The following LINGO2 variants were observed in gnomAD, a reference collection of about 807,000 sequenced individuals.
LINGO2 encodes leucine-rich repeat and immunoglobulin-like domain-containing nogo receptor-interacting protein 2.
A neutral mutation model predicts 30.6 loss-of-function variants in LINGO2; 14 were observed. The ratio of observed to expected loss-of-function variants is 0.46; its 90% CI spans 0.30 to 0.72. The LOEUF (loss-of-function observed/expected upper bound fraction) is 0.72. LINGO2 is among the 30% of genes least tolerant of loss of function. The pLI, the probability that LINGO2 is intolerant of heterozygous loss-of-function variation, is 0.07. For synonymous variants in LINGO2, 317 were observed against 288.5 expected, an observed-to-expected ratio of 1.10 and a Z score of -1.00; for missense variants, 729 against 751.7, an observed-to-expected ratio of 0.97 and a Z score of 0.35.
At chr9:29,141,758 A>G in the LINGO2 span, among the ~76,000 whole-genome samples, 1 of 151,900 alleles carries the variant, frequency 6.6e-6, no homozygotes, top group Non-Finnish European at 1.5e-5. Context: ...GACCTTGCTT[A>G]TATCAGACAA....
chr9:28,360,962 T>C (rs1027087521), intron 3 of LINGO2, among the ~76,000 whole-genome samples: 2 of 152,198 alleles, frequency 1.3e-5, no homozygotes, highest in African/African-American at 4.8e-5. Flanking sequence ...TAGCTTTCCA[T>C]TGTTTCAGTT....
At chr9:28,771,532 G>A in the LINGO2 span, among the ~76,000 whole-genome samples, 5 of 148,184 alleles carry the variant, frequency 3.4e-5, no homozygotes, top group African/African-American at 1.2e-4. Flanking sequence ...ATTCAGAGAA[G>A]GTAGTATAAG....
At chr9:28,887,026 G>A in the LINGO2 span, among the ~76,000 whole-genome samples, 1 of 152,134 alleles carries the variant, frequency 6.6e-6, no homozygotes, top group African/African-American at 2.4e-5. Flanking sequence ...TTAAGGTAAT[G>A]CAGAGCAGGG....
chr9:28,396,923 T>C (rs983993039), intron 2 of LINGO2, among the ~76,000 whole-genome samples: 2 of 152,242 alleles, frequency 1.3e-5, no homozygotes, highest in South Asian at 2.1e-4. Context: ...ATTTACTCTA[T>C]GTCTGATAGA....
intron 4 of LINGO2, among the ~76,000 whole-genome samples, chr9:28,251,887 G>A (rs2134012590): frequency 6.6e-6 from 1 of 152,198 alleles, no homozygotes; most frequent in East Asian, 1.9e-4. Flanking sequence ...GCTGCAAATT[G>A]TATACCTGGA....
intron 1 of LINGO2, among the ~76,000 whole-genome samples, chr9:28,560,094 A>G (rs1432110078): frequency 6.6e-6 from 1 of 151,784 alleles, no homozygotes. Context: ...AAAAAAAAAA[A>G]AAAGAAAAAT....
At chr9:28,822,676 G>A in the LINGO2 span, among the ~76,000 whole-genome samples, 13,850 of 152,084 alleles carry the variant, frequency 0.091, 708 homozygotes, top group African/African-American at 0.12. Flanking sequence ...GCCCTCAAAC[G>A]TCAGACTCCA....
the LINGO2 span, among the ~76,000 whole-genome samples, chr9:28,796,229 A>T: frequency 6.6e-6 from 1 of 152,150 alleles, no homozygotes; most frequent in Non-Finnish European, 1.5e-5. Context: ...CAAAATATTC[A>T]TTAGGAACTA....
rs1009996884 is a variant in LINGO2, at chr9:28,095,583, A to G, written c.-86-83178T>C. Among the ~76,000 whole-genome samples the G allele has an allele frequency of 3.3e-5, 5 of 151,974 alleles. No individual in the cohort carries two copies. The South Asian group carries it at 6.2e-4, about 19-fold the overall frequency. Reference sequence around the variant, plus strand: ...TTCAAGATGGATTAAAGACTTAAACATTAGACCTAAAACCATAAAAACCCT... The same window carrying G: ...TTCAAGATGGATTAAAGACTTAAACGTTAGACCTAAAACCATAAAAACCCT... On this transcript the variant is annotated intron_variant, in intron 4 of 5. Transcript: ENST00000379992.
At chr9:28,850,943 GTT>G in the LINGO2 span, among the ~76,000 whole-genome samples, 1 of 151,928 alleles carries the variant, frequency 6.6e-6, no homozygotes, top group African/African-American at 2.4e-5. Context: ...CAAAGCACTT[GTT>G]GTACTAAATG....
the LINGO2 span, among the ~76,000 whole-genome samples, chr9:28,756,520 A>G: frequency 6.6e-6 from 1 of 151,866 alleles, no homozygotes; most frequent in Non-Finnish European, 1.5e-5. Context: ...TAAAAAGGAC[A>G]TGATATTGGG....
intron 3 of LINGO2, among the ~76,000 whole-genome samples, chr9:28,343,357 A>G (rs1819433927): frequency 6.6e-6 from 1 of 152,190 alleles, no homozygotes; most frequent in Non-Finnish European, 1.5e-5. Context: ...CAAATAAACA[A>G]AAAATCATGC....
chr9:28,087,853 C>A (rs1435578978), intron 4 of LINGO2, among the ~76,000 whole-genome samples: 1 of 152,010 alleles, frequency 6.6e-6, no homozygotes, highest in Non-Finnish European at 1.5e-5. Context: ...TCCTAGTCTT[C>A]AATAGCCACA....
the LINGO2 span, chr9:27,942,875 C>T: frequency 1.0e-4 from 15 of 143,610 alleles, no homozygotes; most frequent in African/African-American, 3.5e-4. Flanking sequence ...ATGGAAAAAA[C>T]CTGAAAACAA....
the LINGO2 span, among the ~76,000 whole-genome samples, chr9:28,886,687 C>G: frequency 6.6e-6 from 1 of 152,058 alleles, no homozygotes; most frequent in East Asian, 1.9e-4. Context: ...GTTTTTCTCT[C>G]TATGTAATTT....
intron 4 of LINGO2, among the ~76,000 whole-genome samples, chr9:28,052,928 T>C (rs1431490403): frequency 6.6e-6 from 1 of 151,914 alleles, no homozygotes; most frequent in African/African-American, 2.4e-5. Flanking sequence ...AGTAAAAATC[T>C]GTATTCAAAT....
the LINGO2 span, among the ~76,000 whole-genome samples, chr9:29,091,067 T>C: frequency 6.6e-6 from 1 of 152,058 alleles, no homozygotes. Context: ...TGAAATAAGA[T>C]TTTCATCTTT....
the LINGO2 span, among the ~76,000 whole-genome samples, chr9:28,773,198 T>C: frequency 6.6e-6 from 1 of 151,884 alleles, no homozygotes; most frequent in Admixed American, 6.6e-5. Flanking sequence ...ACCCTGTCTC[T>C]ACTAAAAATA....
At chr9:28,333,922 T>C (rs1478816811) in intron 3 of LINGO2, among the ~76,000 whole-genome samples, 4 of 152,182 alleles carry the variant, frequency 2.6e-5, no homozygotes, top group South Asian at 2.1e-4. Flanking sequence ...ATTATACTTT[T>C]GTCAGTCTGC....
Sources: gnomAD v4.1 joint callset for allele counts (sites outside exome capture counted in the v4.1 genomes callset) on GRCh38, gnomAD v4.1.1 for gene constraint, MANE v1.5 for transcripts, NCBI Gene and HGNC (gene_info 2026-07-23, HGNC 2026-07-21) for gene names.